ST8SIA5: variants seen among roughly 807,000 people sequenced by gnomAD.
The protein encoded by ST8SIA5 is ST8 alpha-N-acetyl-neuraminide alpha-2,8-sialyltransferase 5, also known as alpha-2,8-sialyltransferase 8E.
In ST8SIA5, 24 loss-of-function variants were observed where a neutral mutation model predicts 40.2. The ratio of observed to expected loss-of-function variants is 0.60; its 90% CI spans 0.43 to 0.84. ST8SIA5 has a LOEUF of 0.84. Ranked by LOEUF, ST8SIA5 falls within the 40% of genes least tolerant of loss-of-function variation. ST8SIA5 has a pLI of 0.00. For missense variants in ST8SIA5, 465 were observed against 498.5 expected, an observed-to-expected ratio of 0.93 and a Z score of 0.64; for synonymous variants, 198 against 201.8, an observed-to-expected ratio of 0.98 and a Z score of 0.16.
intron 2 of ST8SIA5, among the ~76,000 whole-genome samples, chr18:46,701,654 G>A (rs2039617863): frequency 6.6e-6 from 1 of 152,114 alleles, no homozygotes; most frequent in African/African-American, 2.4e-5. Flanking sequence ...CAGACCCCTG[G>A]CCTCCAGAAT....
chr18:46,727,742 T>C (rs2039944764), intron 1 of ST8SIA5, among the ~76,000 whole-genome samples: 1 of 152,168 alleles, frequency 6.6e-6, no homozygotes, highest in Non-Finnish European at 1.5e-5. Context: ...GAGAAAGTAT[T>C]CAAGCCCAAG....
At position 46,681,933 on chromosome 18, in the gene ST8SIA5, C is replaced by A. The variant is rs776774640; in HGVS notation, c.662+39G>T. The A allele has an allele frequency of 7.5e-6, 12 of 1,603,380 alleles. No individual in the cohort carries two copies. The Admixed American group carries it at 1.5e-4, about 20-fold the overall frequency. On this transcript the variant is annotated intron_variant, in intron 6 of 6. Coordinates refer to ENST00000315087, the MANE Select transcript of ST8SIA5 (RefSeq NM_013305.6). ...GTAGCCGCATGTGACTATTGGCTAC[C>A]ATTTTGGACAGTGCAGCTCTAGAAA...
At chr18:46,694,749 T>C (rs2039539821) in intron 2 of ST8SIA5, among the ~76,000 whole-genome samples, 1 of 151,990 alleles carries the variant, frequency 6.6e-6, no homozygotes, top group Non-Finnish European at 1.5e-5. Flanking sequence ...GATTTTGTTA[T>C]AGGCAAAATC....
chr18:46,747,736 A>G (rs2040154565), intron 1 of ST8SIA5, among the ~76,000 whole-genome samples: 1 of 152,220 alleles, frequency 6.6e-6, no homozygotes, highest in Non-Finnish European at 1.5e-5. Context: ...TACCCAAAGG[A>G]TTATAAATCA....
Position 46,674,261 on chromosome 18 carries a change from A to G in ST8SIA5, c.*5781T>C, listed in dbSNP as rs1343927064. ...GTCTCTCCCTTCTTTCATTTAAACT[A>G]GAGGAAAAAGGATTGGCTAGCCAGC... On this transcript the variant is annotated 3_prime_UTR_variant, in exon 7 of 7. Coordinates refer to ENST00000315087, the MANE Select transcript of ST8SIA5 (RefSeq NM_013305.6). 6.6e-6 allele frequency: 1 copy of G among 152,194 alleles called. No homozygotes were observed. The highest frequency in any genetic ancestry group is 2.4e-5 in the African/African-American group (1 of 41,442). The allele number at this position is 152,194 out of a possible 1,614,324, so 9.4% of individuals were successfully genotyped here. A position where few individuals can be genotyped will look rare whatever the true frequency, so the allele number is the denominator to read the frequency against.
rs1489329724 is a variant in ST8SIA5, at chr18:46,670,029, A to T, written c.*10013T>A. 6.6e-6 allele frequency: 1 copy of T among 151,890 alleles called. No homozygotes were observed. The highest frequency in any genetic ancestry group is 1.5e-5 in the Non-Finnish European group (1 of 67,998). The allele number at this position is 151,890 out of a possible 1,614,324, so 9.4% of individuals were successfully genotyped here. The stretch of plus-strand genomic sequence containing the variant: ...GGTTGCCGTGAGCCGAGATCATGCC[A>T]CTGCACTCCAGCCTGGGTGACAGAG... On this transcript the variant is annotated 3_prime_UTR_variant, in exon 7 of 7. Coordinates refer to ENST00000315087, the MANE Select transcript of ST8SIA5 (RefSeq NM_013305.6).
chr18:46,702,536 C>A (rs1568259102), intron 2 of ST8SIA5, among the ~76,000 whole-genome samples: 1 of 152,240 alleles, frequency 6.6e-6, no homozygotes, highest in Non-Finnish European at 1.5e-5. Context: ...ATTCGAGCTG[C>A]CCCATCCTTC....
intron 1 of ST8SIA5, among the ~76,000 whole-genome samples, chr18:46,715,451 A>G (rs530553704): frequency 6.6e-6 from 1 of 152,328 alleles, no homozygotes; most frequent in Non-Finnish European, 1.5e-5. Context: ...CACAGAAGAT[A>G]GAAAGTGGAA....
chr18:46,721,334 C>T (rs2144528629), intron 1 of ST8SIA5: 2 of 1,532,826 alleles, frequency 1.3e-6, no homozygotes, highest in Non-Finnish European at 1.7e-6. Flanking sequence ...GCTTCCCCCA[C>T]TCCCTGGCCT....
intron 1 of ST8SIA5, among the ~76,000 whole-genome samples, chr18:46,724,615 C>T (rs1034946765): frequency 1.3e-5 from 2 of 152,164 alleles, no homozygotes; most frequent in African/African-American, 2.4e-5. Context: ...ACACTTTGAG[C>T]ACCTATTATG....
At chr18:46,750,489 A>T (rs1412768609) in intron 1 of ST8SIA5, among the ~76,000 whole-genome samples, 1 of 152,146 alleles carries the variant, frequency 6.6e-6, no homozygotes, top group Non-Finnish European at 1.5e-5. Context: ...TAGAAAGGGT[A>T]ACCTGCGCTC....
intron 1 of ST8SIA5, among the ~76,000 whole-genome samples, chr18:46,710,546 CT>C (rs371889933): frequency 0.011 from 1,403 of 125,656 alleles, 15 homozygotes; most frequent in African/African-American, 0.028. Context: ...TTCTTTCTCT[CT>C]TTTTTTTTTT....
At chr18:46,708,285 G>A (rs1216779350) in intron 1 of ST8SIA5, among the ~76,000 whole-genome samples, 2 of 152,124 alleles carry the variant, frequency 1.3e-5, no homozygotes, top group Non-Finnish European at 1.5e-5. Context: ...TGTGTGCACT[G>A]GTGACATCCT....
At position 46,694,552 on chromosome 18, in the gene ST8SIA5, C is replaced by A. The variant is rs1599108057; in HGVS notation, c.225-2297G>T. On this transcript the variant is annotated intron_variant, in intron 2 of 6. Transcript: ENST00000315087. ...GCTGTTTGGGGTCACCTGGCTGTGGCCCACTAAGAAGCTCATTAGTCTTGG... is the reference window on the plus strand; with the variant it reads ...GCTGTTTGGGGTCACCTGGCTGTGGACCACTAAGAAGCTCATTAGTCTTGG... Among the ~76,000 whole-genome samples the A allele has an allele frequency of 2.0e-5, 3 of 152,258 alleles. No homozygotes were observed. In the Middle Eastern group the frequency reaches 0.01, roughly 518 times the overall value.
At chr18:46,710,888 T>TC (rs1426174838) in intron 1 of ST8SIA5, among the ~76,000 whole-genome samples, 1 of 151,910 alleles carries the variant, frequency 6.6e-6, no homozygotes, top group African/African-American at 2.4e-5. Context: ...ATCTAACACT[T>TC]CCCCATCCCC....
At chr18:46,702,509 G>A (rs959360738) in intron 2 of ST8SIA5, among the ~76,000 whole-genome samples, 4 of 152,114 alleles carry the variant, frequency 2.6e-5, no homozygotes, top group African/African-American at 7.2e-5. Context: ...TGCAGCTTCC[G>A]TGTCTTCCCC....
chr18:46,732,144 C>T (rs2039991019), intron 1 of ST8SIA5, among the ~76,000 whole-genome samples: 1 of 152,222 alleles, frequency 6.6e-6, no homozygotes, highest in Non-Finnish European at 1.5e-5. Flanking sequence ...ACTGTGCAGA[C>T]CAAATACGAC....
chr18:46,749,503 T>C (rs1416173599), intron 1 of ST8SIA5, among the ~76,000 whole-genome samples: 1 of 152,100 alleles, frequency 6.6e-6, no homozygotes, highest in Non-Finnish European at 1.5e-5. Flanking sequence ...TAAGGTATAA[T>C]GGTAGTAATG....
At chr18:46,689,740 ATTT>A (rs961770000) in intron 3 of ST8SIA5, among the ~76,000 whole-genome samples, 2 of 128,084 alleles carry the variant, frequency 1.6e-5, no homozygotes, top group Non-Finnish European at 1.7e-5. Context: ...TGCCTGGCTA[ATTT>A]TTTTTTTTTT....
Sources: gnomAD v4.1 joint callset for allele counts (sites outside exome capture counted in the v4.1 genomes callset) on GRCh38, gnomAD v4.1.1 for gene constraint, MANE v1.5 for transcripts, NCBI Gene and HGNC (gene_info 2026-07-23, HGNC 2026-07-21) for gene names.